The following RPS6KB2 variants were observed in gnomAD, a reference collection of about 807,000 sequenced individuals.
The protein encoded by RPS6KB2 is ribosomal protein S6 kinase B2.
RPS6KB2 carries 51 observed loss-of-function variants against 58.2 expected under a neutral mutation model. That is an observed-to-expected ratio of 0.88 (90% CI 0.70 to 1.11). The LOEUF (loss-of-function observed/expected upper bound fraction) is 1.11. RPS6KB2 is among the 50% of genes least tolerant of loss of function. The pLI is 0.00. For missense variants in RPS6KB2, 671 were observed against 655.8 expected, an observed-to-expected ratio of 1.02 and a Z score of -0.25; for synonymous variants, 293 against 258.6, an observed-to-expected ratio of 1.13 and a Z score of -1.28.
intron 4 of RPS6KB2, chr11:67,429,829 T>C: frequency 2.2e-6 from 1 of 462,354 alleles, no homozygotes; most frequent in South Asian, 2.6e-5. Context: ...TTTATTTTTT[T>C]TTAAGACGGA....
chr11:67,434,774 G>GCCA (rs1174622389), intron 14 of RPS6KB2, 80 bp downstream of exon 14: 1 of 1,208,582 alleles, frequency 8.3e-7, no homozygotes, highest in Non-Finnish European at 1.2e-6. Context: ...GGGTGCCTTG[G>GCCA]CCACGTCTGT....
rs565413086 is a variant in RPS6KB2, at chr11:67,433,362, G to A, written c.821G>A (p.Arg274Gln). 3.5e-5 allele frequency: 57 copies of A among 1,613,832 alleles called. No homozygotes were observed. Among genetic ancestry groups the A allele is most frequent in the African/African-American group, 5.3e-5 (4 of 75,012 alleles). The change falls in exon 10 of 15, where the codon CGG becomes CAG. Residue 274 changes from arginine to glutamine, a missense_variant. Transcript: ENST00000312629. ...TGSPPFTAEN[R>Q]KKTMDKIIRG... ...CAGCCGCCCTTCACCGCAGAGAACC[G>A]GAAGAAAACCATGGATAAGATCATC... is the stretch of plus-strand genomic sequence containing the variant.
chr11:67,429,125 T>A lies in RPS6KB2; in HGVS notation c.125T>A (p.Val42Glu), dbSNP rs1863941381. Residue 42 changes from valine (V) to glutamate (E), a missense_variant, in exon 3 of 15, where the codon GTG becomes GAG. Coordinates refer to ENST00000312629, the MANE Select transcript of RPS6KB2 (RefSeq NM_003952.3). ...AELRAAGLEP[V>E]GHYEEVELTE... ...TTAACTCCTTGTGTCCGTAGGCCTG[T>A]GGGACACTATGAAGAGGTGGAGCTG... is the stretch of plus-strand genomic sequence containing the variant. 1 of 1,613,814 alleles carries A rather than the reference T, an allele frequency of 6.2e-7. No individual in the cohort carries two copies. The highest frequency in any genetic ancestry group is 8.5e-7 in the Non-Finnish European group (1 of 1,180,022).
intron 5 of RPS6KB2, chr11:67,432,339 G>A: frequency 9.0e-6 from 6 of 669,150 alleles, no homozygotes; most frequent in East Asian, 2.9e-5. Flanking sequence ...TTGTGTACAT[G>A]TCTGTCTCCC....
At position 67,429,000 on chromosome 11, in the gene RPS6KB2, G is replaced by T; in HGVS notation, c.97G>T (p.Glu33Ter). The T allele has an allele frequency of 6.2e-7, 1 of 1,614,036 alleles. No individual in the cohort carries two copies. Among genetic ancestry groups the T allele is most frequent in the Non-Finnish European group, 8.5e-7 (1 of 1,180,020 alleles). Residue 33 changes from glutamate (E) to a stop codon, truncating the protein, a stop_gained, in exon 2 of 15, where the codon GAG (glutamate) becomes TAG (stop). Coordinates refer to ENST00000312629, the MANE Select transcript of RPS6KB2 (RefSeq NM_003952.3). LOFTEE classifies it high-confidence loss of function. Reference protein sequence around the residue: ...LSPADACPLAELRAAGLEPVG... With the variant: ...LSPADACPLA ...CTCACAGGACGCATGTCCCCTTGCCGAGTTGAGGGCAGCTGGCCTAGAGTG... is the reference window on the plus strand; with the variant it reads ...CTCACAGGACGCATGTCCCCTTGCCTAGTTGAGGGCAGCTGGCCTAGAGTG...
rs756053104 is a variant in RPS6KB2, at chr11:67,431,446, T to C, written c.388T>C (p.Phe130Leu). 17 of 1,614,022 alleles carry C rather than the reference T, an allele frequency of 1.1e-5. No individual in the cohort carries two copies. The Middle Eastern group carries it at 8.2e-4, about 78-fold the overall frequency. Residue 130 changes from phenylalanine (F) to leucine (L), a missense_variant, in exon 5 of 15, where the codon TTT (phenylalanine) becomes CTT (leucine). Transcript: ENST00000312629. ...RNILESVKHP[F>L]IVELAYAFQT... ...CATTCTAGAGTCAGTGAAGCACCCC[T>C]TTATTGTGGAACTGGCCTATGCCTT...
chr11:67,429,695 C>G, intron 4 of RPS6KB2, 100 bp downstream of exon 4: 1 of 988,514 alleles, frequency 1.0e-6, no homozygotes, highest in Non-Finnish European at 1.6e-6. Context: ...GGAGGAGGAT[C>G]CCTGACTTTG....
Position 67,434,290 on chromosome 11 carries a change from T to A in RPS6KB2, c.1047+15T>A. On this transcript the variant is annotated intron_variant, in intron 12 of 14. Coordinates refer to ENST00000312629, the MANE Select transcript of RPS6KB2 (RefSeq NM_003952.3). The stretch of plus-strand genomic sequence containing the variant: ...GGCCCTGTCTGGTGAGCAGCAGGGC[T>A]GGTGGCCAGTGGCCGGTGGCGGGTG... 2.5e-6 allele frequency: 4 copies of A among 1,612,892 alleles called. No homozygotes were observed. The highest frequency in any genetic ancestry group is 3.4e-6 in the Non-Finnish European group (4 of 1,179,826).
Position 67,431,387 on chromosome 11 carries a change from C to T in RPS6KB2, c.329C>T (p.Ala110Val). ...VLRKAKIVRN[A>V]KDTAHTRAER... ...CTCCAGGCCAAAATTGTGCGCAATG[C>T]CAAGGACACAGCACACACACGGGCT... The change falls in exon 5 of 15, where the codon GCC becomes GTC. Residue 110 changes from alanine to valine, a missense_variant. Physicochemically the swap from Ala to Val is moderately conservative, Grantham distance 64. Transcript: ENST00000312629. 1.9e-6 allele frequency: 3 copies of T among 1,613,984 alleles called. No individual in the cohort carries two copies. The highest frequency in any genetic ancestry group is 1.7e-6 in the Non-Finnish European group (2 of 1,179,950).
Position 67,432,595 on chromosome 11 carries a change from G to C in RPS6KB2, c.458-5G>C. The C allele has an allele frequency of 1.9e-6, 3 of 1,614,200 alleles. No individual in the cohort carries two copies. The highest frequency in any genetic ancestry group is 2.5e-6 in the Non-Finnish European group (3 of 1,180,028). Reference sequence around the variant, plus strand: ...CACGTGGCTGCTGACGTGTTTGTGTGGCAGGTGGCGAGCTCTTCACGCATC... The same window carrying C: ...CACGTGGCTGCTGACGTGTTTGTGTCGCAGGTGGCGAGCTCTTCACGCATC... On this transcript the variant is annotated splice_region_variant and splice_polypyrimidine_tract_variant and intron_variant, in intron 5 of 14. Coordinates refer to ENST00000312629, the MANE Select transcript of RPS6KB2 (RefSeq NM_003952.3).
intron 14 of RPS6KB2, 134 bp downstream of exon 14, chr11:67,434,828 C>A (rs1372152986): frequency 3.1e-6 from 3 of 978,814 alleles, no homozygotes; most frequent in African/African-American, 3.3e-5. Context: ...ATGGGGACCT[C>A]AGTTCCTACA....
chr11:67,432,365 C>T, intron 5 of RPS6KB2: 1 of 687,370 alleles, frequency 1.5e-6, no homozygotes, highest in Non-Finnish European at 2.7e-6. Context: ...GACTGAGCGT[C>T]CTGAGGGCAG....
rs754924576 is a variant in RPS6KB2 at position 67,428,519 on chromosome 11, C to A, written c.-27C>A. ...AGTCAGTGCGCGGCCAGGTACGGGCCGACGGGCCCGCGGGGCCGGCGCCGC... is the reference window on the plus strand; with the variant it reads ...AGTCAGTGCGCGGCCAGGTACGGGCAGACGGGCCCGCGGGGCCGGCGCCGC... On this transcript the variant is annotated 5_prime_UTR_variant, in exon 1 of 15. Transcript: ENST00000312629. The A allele has an allele frequency of 4.4e-6, 7 of 1,590,802 alleles. No individual in the cohort carries two copies. Among genetic ancestry groups the A allele is most frequent in the Admixed American group, 1.7e-5 (1 of 57,316 alleles).
At chr11:67,433,520 T>G in intron 10 of RPS6KB2, 73 bp downstream of exon 10, 1 of 1,254,748 alleles carries the variant, frequency 8.0e-7, no homozygotes, top group Non-Finnish European at 1.2e-6. Context: ...CTCTGGGCTG[T>G]GGGGAAGCCA....
rs752637267 is a variant in RPS6KB2, at chr11:67,433,247, CA to C, written c.798+32del. On this transcript the variant is annotated intron_variant, in intron 9 of 14. Coordinates refer to ENST00000312629, the MANE Select transcript of RPS6KB2 (RefSeq NM_003952.3). ...TCCAGCCCCCGGGGAGGAGGAGGGGCAGGGGCAGAGGTGGGAGTAGCCCCCC... is the reference window on the plus strand; with the variant it reads ...TCCAGCCCCCGGGGAGGAGGAGGGGCGGGGCAGAGGTGGGAGTAGCCCCCC... 3.1e-6 allele frequency: 5 copies of C among 1,606,218 alleles called. No individual in the cohort carries two copies. The South Asian group carries it at 3.3e-5, about 11-fold the overall frequency.
chr11:67,432,390 C>T (rs1299073937), intron 5 of RPS6KB2: 22 of 698,532 alleles, frequency 3.1e-5, no homozygotes, highest in Non-Finnish European at 4.7e-5. Flanking sequence ...TGGGTCTCTT[C>T]ATCCTGTCCC....
In RPS6KB2 at chr11:67,432,832, G is replaced by A. The variant is rs1565146708; in HGVS notation, c.611G>A (p.Ser204Asn). 2 of 1,613,588 alleles carry A rather than the reference G, an allele frequency of 1.2e-6. No individual in the cohort carries two copies. The highest frequency in any genetic ancestry group is 1.3e-5 in the African/African-American group (1 of 74,924). ...DLKPENIMLS[S>N]QGHIKLTDFG... ...AAGCCCGAGAACATCATGCTCAGCA[G>A]CCAGGGTGCGCATGTGTGTGCGGGC... is the stretch of plus-strand genomic sequence containing the variant. The change falls in exon 7 of 15, where the codon AGC becomes AAC. Residue 204 changes from serine (S) to asparagine (N), a missense_variant. Transcript: ENST00000312629.
intron 9 of RPS6KB2, 36 bp downstream of exon 9, chr11:67,433,252 G>A (rs1010992477): frequency 6.2e-7 from 1 of 1,605,018 alleles, no homozygotes; most frequent in Non-Finnish European, 8.5e-7. Context: ...AGGGGCAGGG[G>A]CAGAGGTGGG....
chr11:67,433,475 G>A (rs766634727), intron 10 of RPS6KB2, 28 bp downstream of exon 10: 2 of 1,524,010 alleles, frequency 1.3e-6, no homozygotes, highest in South Asian at 1.1e-5. Flanking sequence ...CTTCTCCGGG[G>A]CCCTGCCAGC....
Sources: gnomAD v4.1 joint callset for allele counts on GRCh38, gnomAD v4.1.1 for gene constraint, MANE v1.5 for transcripts, NCBI Gene and HGNC (gene_info 2026-07-23, HGNC 2026-07-21) for gene names.